The following CFAP53 variants were observed in gnomAD, a reference collection of about 807,000 sequenced individuals.
CFAP53 encodes cilia and flagella associated protein 53.
CFAP53 carries 62 observed loss-of-function variants against 59.7 expected under a neutral mutation model. That is an observed-to-expected ratio of 1.04 (90% CI 0.85 to 1.28). The LOEUF (loss-of-function observed/expected upper bound fraction) is 1.28. Among genes scored for constraint, CFAP53 ranks in the 50% most tolerant of loss-of-function variants. CFAP53 has a pLI of 0.00. For missense variants in CFAP53, 629 were observed against 615.6 expected, an observed-to-expected ratio of 1.02 and a Z score of -0.23; for synonymous variants, 218 against 205.7, an observed-to-expected ratio of 1.06 and a Z score of -0.51.
rs779347270 is a variant in CFAP53 at position 50,261,999 on chromosome 18, C to T, written c.290G>A (p.Arg97Lys). The change falls in exon 2 of 8, where the codon AGA (arginine) becomes AAA (lysine). Residue 97 changes from arginine to lysine, a missense_variant. Physicochemically the swap from Arg to Lys is conservative, Grantham distance 26. Transcript: ENST00000398545. ...VQGFIINIEE[R>K]RNKLRELLAL... Reference sequence around the variant, plus strand: ...GGTTTGTGAGCCTTACTTATTTCGTCTTTCTTCAATGTTAATGATAAACCC... The same window carrying T: ...GGTTTGTGAGCCTTACTTATTTCGTTTTTCTTCAATGTTAATGATAAACCC... 6.2e-7 allele frequency: 1 copy of T among 1,604,158 alleles called. No homozygotes were observed. The highest frequency in any genetic ancestry group is 1.7e-4 in the Middle Eastern group (1 of 6,034).
chr18:50,262,083 T>C lies in CFAP53; in HGVS notation c.206A>G (p.His69Arg), dbSNP rs896978887. 1 of 1,614,266 alleles carries C rather than the reference T, an allele frequency of 6.2e-7. No homozygotes were observed. Among genetic ancestry groups the C allele is most frequent in the Admixed American group, 1.7e-5 (1 of 60,030 alleles). ...GCTGTCCAAAATCTTGCAGTCATTG[T>C]GCTGGTCCCACTCAGCTTTCAAGCG... is the stretch of plus-strand genomic sequence containing the variant. The part of the protein sequence containing the change: ...RDRLKAEWDQ[H>R]NDCKILDSLV... The change falls in exon 2 of 8, where the codon CAC becomes CGC. Residue 69 changes from histidine to arginine, a missense_variant. His to Arg is a conservative substitution (Grantham distance 29, BLOSUM62 0). Coordinates refer to ENST00000398545, the MANE Select transcript of CFAP53 (RefSeq NM_145020.5).
intron 6 of CFAP53, among the ~76,000 whole-genome samples, chr18:50,240,338 T>TC (rs2033679034): frequency 6.6e-6 from 1 of 152,204 alleles, no homozygotes; most frequent in South Asian, 2.1e-4. Flanking sequence ...CTCATTCCAA[T>TC]TACCTGCTCT....
intron 4 of CFAP53, 129 bp downstream of exon 4, chr18:50,251,352 A>G (rs1599126200): frequency 2.5e-6 from 2 of 797,542 alleles, no homozygotes; most frequent in South Asian, 1.7e-5. Context: ...AACAGCACTA[A>G]GAGTCCAAAA....
In CFAP53 at chr18:50,251,643, C is replaced by A; in HGVS notation, c.615G>T (p.Trp205Cys). ...LVEEQMFSKLWEEDRLAKEKR... is the reference protein window; with the variant it reads ...LVEEQMFSKLCEEDRLAKEKR... ...TTTCCTTGGCTAATCGGTCTTCCTCCCAGAGTTTGGAGAACATCTGCTCTT... is the reference window on the plus strand; with the variant it reads ...TTTCCTTGGCTAATCGGTCTTCCTCACAGAGTTTGGAGAACATCTGCTCTT... The change falls in exon 4 of 8, where the codon TGG (tryptophan) becomes TGT (cysteine). Residue 205 changes from tryptophan to cysteine, a missense_variant. Trp to Cys is a radical substitution (Grantham distance 215). Coordinates refer to ENST00000398545, the MANE Select transcript of CFAP53 (RefSeq NM_145020.5). 1 of 1,614,200 alleles carries A rather than the reference C, an allele frequency of 6.2e-7. No individual in the cohort carries two copies. The highest frequency in any genetic ancestry group is 8.5e-7 in the Non-Finnish European group (1 of 1,180,042).
intron 1 of CFAP53, 43 bp from the exon 2 acceptor site, chr18:50,262,262 T>A: frequency 6.6e-7 from 1 of 1,510,474 alleles, no homozygotes; most frequent in Non-Finnish European, 9.2e-7. Context: ...AGCCAAAGAA[T>A]CAACTGCATA....
intron 1 of CFAP53, among the ~76,000 whole-genome samples, chr18:50,265,837 T>C (rs980440488): frequency 2.0e-5 from 3 of 152,188 alleles, no homozygotes; most frequent in Non-Finnish European, 4.4e-5. Flanking sequence ...GGTTACTGGT[T>C]GAGTTGGCAC....
chr18:50,230,297 C>A (rs1326649124), intron 7 of CFAP53, among the ~76,000 whole-genome samples: 1 of 152,098 alleles, frequency 6.6e-6, no homozygotes, highest in African/African-American at 2.4e-5. Context: ...ACTAGAAAGA[C>A]CAAGTGATGA....
chr18:50,240,200 A>G lies in CFAP53; in HGVS notation c.1214-1495T>C, dbSNP rs576501404. Among the ~76,000 whole-genome samples the G allele has an allele frequency of 2.1e-3, 318 of 151,952 alleles. 1 individual carries two copies. The highest frequency in any genetic ancestry group is 7.3e-3 in the African/African-American group (301 of 41,398). On this transcript the variant is annotated intron_variant, in intron 6 of 7. Transcript: ENST00000398545. ...TGCCCCACCCTGACTCATTCAGATT[A>G]CCTGCTCCACCCTGACTCATTCTGA...
At chr18:50,251,347 C>G in intron 4 of CFAP53, 134 bp downstream of exon 4, 2 of 762,720 alleles carry the variant, frequency 2.6e-6, no homozygotes, top group Non-Finnish European at 4.2e-6. Context: ...TATTAAACAG[C>G]ACTAAGAGTC....
At chr18:50,241,527 G>A (rs141839643) in intron 6 of CFAP53, among the ~76,000 whole-genome samples, 2,374 of 152,252 alleles carry the variant, frequency 0.016, 25 homozygotes, top group Non-Finnish European at 0.027. Flanking sequence ...ATATTTCAAC[G>A]TAGGTCCTTT....
At position 50,234,658 on chromosome 18, in the gene CFAP53, T is replaced by C. The variant is rs541559551; in HGVS notation, c.1316+3945A>G. ...TATTAAATGGAGAGGACGTGCACTA[T>C]AGTTGCAGCAATACCTGGAGTACAT... is the stretch of plus-strand genomic sequence containing the variant. On this transcript the variant is annotated intron_variant, in intron 7 of 7. Transcript: ENST00000398545. 3.9e-5 allele frequency among the ~76,000 whole-genome samples: 6 copies of C among 152,332 alleles called. No homozygotes were observed. The South Asian group carries it at 1.0e-3, about 26-fold the overall frequency.
At position 50,251,674 on chromosome 18, in the gene CFAP53, A is replaced by G; in HGVS notation, c.584T>C (p.Leu195Pro). Residue 195 changes from leucine (L) to proline (P), a missense_variant, in exon 4 of 8, where the codon CTG (leucine) becomes CCG (proline). Transcript: ENST00000398545. Reference sequence around the variant, plus strand: ...TTTGGAGAACATCTGCTCTTCCACCAGCTTTTGCCTGCTCAGCTCCTCATT... The same window carrying G: ...TTTGGAGAACATCTGCTCTTCCACCGGCTTTTGCCTGCTCAGCTCCTCATT... The part of the protein sequence containing the change: ...AFNEELSRQK[L>P]VEEQMFSKLW... 1 of 1,614,200 alleles carries G rather than the reference A, an allele frequency of 6.2e-7. No homozygotes were observed. The highest frequency in any genetic ancestry group is 8.5e-7 in the Non-Finnish European group (1 of 1,180,046).
intron 3 of CFAP53, among the ~76,000 whole-genome samples, chr18:50,257,466 A>G (rs2033856115): frequency 6.6e-6 from 1 of 152,260 alleles, no homozygotes; most frequent in Non-Finnish European, 1.5e-5. Context: ...GCATTTCTAT[A>G]TGCTTACACT....
chr18:50,260,762 C>A (rs949233640), intron 3 of CFAP53, among the ~76,000 whole-genome samples: 1 of 152,174 alleles, frequency 6.6e-6, no homozygotes, highest in African/African-American at 2.4e-5. Flanking sequence ...ACCAAAGATT[C>A]CTTGGCACAG....
intron 7 of CFAP53, among the ~76,000 whole-genome samples, chr18:50,232,187 A>G (rs890576117): frequency 1.3e-5 from 2 of 152,240 alleles, no homozygotes; most frequent in Non-Finnish European, 2.9e-5. Flanking sequence ...TAGTCCCACC[A>G]TGGGACAAAC....
intron 4 of CFAP53, 27 bp from the exon 5 acceptor site, chr18:50,251,003 T>A: frequency 6.3e-7 from 1 of 1,580,282 alleles, no homozygotes; most frequent in East Asian, 2.2e-5. Flanking sequence ...ATAAAGATAA[T>A]GCATCAGTAC....
chr18:50,241,109 T>A (rs2033686018), intron 6 of CFAP53, among the ~76,000 whole-genome samples: 2 of 152,238 alleles, frequency 1.3e-5, no homozygotes, highest in Non-Finnish European at 2.9e-5. Context: ...TGATGCAGCC[T>A]AGGCCAGGGA....
intron 3 of CFAP53, among the ~76,000 whole-genome samples, chr18:50,253,435 G>C (rs1368445783): frequency 6.6e-6 from 1 of 152,178 alleles, no homozygotes; most frequent in Admixed American, 6.5e-5. Flanking sequence ...TAGTTTGCAG[G>C]TAGCAGGTAT....
At chr18:50,238,780 G>A (rs1403536621) in intron 6 of CFAP53, 75 bp from the exon 7 acceptor site, 12 of 1,042,606 alleles carry the variant, frequency 1.2e-5, no homozygotes, top group Non-Finnish European at 1.6e-5. Context: ...GGGCACCAGA[G>A]TCATATTGTC....
Sources: gnomAD v4.1 joint callset for allele counts (sites outside exome capture counted in the v4.1 genomes callset) on GRCh38, gnomAD v4.1.1 for gene constraint, MANE v1.5 for transcripts, NCBI Gene and HGNC (gene_info 2026-07-23, HGNC 2026-07-21) for gene names.